E2F7: variants seen among roughly 807,000 people sequenced by gnomAD.
E2F7 encodes the protein E2F transcription factor 7.
A neutral mutation model predicts 81.1 loss-of-function variants in E2F7; 35 were observed. The observed-to-expected ratio is 0.43, with a 90% confidence interval of 0.33 to 0.57. The LOEUF is 0.57. E2F7 is among the 20% of genes least tolerant of loss of function. E2F7 has a pLI of 0.04. For missense variants in E2F7, 961 were observed against 1,093.7 expected, an observed-to-expected ratio of 0.88 and a Z score of 1.71; for synonymous variants, 416 against 416.2, an observed-to-expected ratio of 1.00 and a Z score of 0.01.
At chr12:77,039,449 C>T (rs1442264165) in intron 7 of E2F7, among the ~76,000 whole-genome samples, 2 of 152,066 alleles carry the variant, frequency 1.3e-5, no homozygotes. Flanking sequence ...AATGTATATA[C>T]AACTCTCACA....
intron 2 of E2F7, among the ~76,000 whole-genome samples, chr12:77,057,381 T>A (rs970105493): frequency 2.6e-5 from 4 of 152,076 alleles, no homozygotes; most frequent in Non-Finnish European, 4.4e-5. Context: ...TGGCCTTTTT[T>A]AATTTTTTGT....
chr12:77,046,353 G>A, intron 4 of E2F7, 25 bp from the exon 5 acceptor site: 1 of 1,596,974 alleles, frequency 6.3e-7, no homozygotes. Flanking sequence ...GAGGCTGATG[G>A]ACATCATGCA....
chr12:77,023,879 T>C lies in E2F7; in HGVS notation c.*136A>G, dbSNP rs1023932376. 39 of 1,010,082 alleles carry C rather than the reference T, an allele frequency of 3.9e-5. No individual in the cohort carries two copies. Among genetic ancestry groups the C allele is most frequent in the Non-Finnish European group, 2.9e-6 (2 of 693,440 alleles). The allele number at this position is 1,010,082 out of a possible 1,614,324, so 62.6% of individuals were successfully genotyped here. A position where few individuals can be genotyped will look rare whatever the true frequency, so the allele number is the denominator to read the frequency against. On this transcript the variant is annotated 3_prime_UTR_variant, in exon 13 of 13. Transcript: ENST00000322886. Reference sequence around the variant, plus strand: ...TTTCAGGAAATCAGATGATTGATGGTGGTGGGAAGTTAACAGAAGTGTGGA... The same window carrying C: ...TTTCAGGAAATCAGATGATTGATGGCGGTGGGAAGTTAACAGAAGTGTGGA...
intron 7 of E2F7, among the ~76,000 whole-genome samples, chr12:77,039,394 G>C (rs886410659): frequency 1.5e-4 from 23 of 152,152 alleles, no homozygotes; most frequent in African/African-American, 5.3e-4. Context: ...AGATGGAGAG[G>C]AAATATTTGG....
At chr12:77,044,571 A>G in intron 6 of E2F7, 66 bp downstream of exon 6, 1 of 1,555,266 alleles carries the variant, frequency 6.4e-7, no homozygotes, top group Non-Finnish European at 8.7e-7. Context: ...TTGGAAGCAG[A>G]AAATATCAAC....
chr12:77,028,192 ATCTC>A (rs59593386), intron 10 of E2F7, 54 bp from the exon 11 acceptor site: 115,300 of 1,557,530 alleles, frequency 0.074, 1,209 homozygotes, highest in East Asian at 0.11. Context: ...CCAGTAGTAA[ATCTC>A]TCTTTTTTTT....
At chr12:77,055,148 A>T (rs1955021612) in intron 3 of E2F7, among the ~76,000 whole-genome samples, 1 of 152,260 alleles carries the variant, frequency 6.6e-6, no homozygotes, top group Admixed American at 6.5e-5. Context: ...ACTGCAAGAT[A>T]TATAACAGAT....
At chr12:77,063,221 T>A (rs909150985) in intron 2 of E2F7, among the ~76,000 whole-genome samples, 1 of 152,072 alleles carries the variant, frequency 6.6e-6, no homozygotes, top group East Asian at 1.9e-4. Flanking sequence ...AGCACAAGAG[T>A]AGTGATGCTG....
At chr12:77,048,037 G>C (rs548627441) in intron 4 of E2F7, among the ~76,000 whole-genome samples, 1 of 152,316 alleles carries the variant, frequency 6.6e-6, no homozygotes, top group Admixed American at 6.5e-5. Flanking sequence ...GACATCCCAA[G>C]AAGGGAAAAC....
chr12:77,060,258 C>T (rs182979877), intron 2 of E2F7, among the ~76,000 whole-genome samples: 3 of 152,200 alleles, frequency 2.0e-5, no homozygotes, highest in African/African-American at 7.2e-5. Context: ...CCCTCTAGTT[C>T]TTATATATAA....
Position 77,050,691 on chromosome 12 carries a change from G to T in E2F7, c.423C>A (p.Ser141Arg). ...GGAGTCCTAAACTTTTCTGTTTTCT[G>T]CTTGGCCTTTGCTTTTCAAATTCGT... ...AVDEFEKQRP[S>R]RKQKSLGLLC... The change falls in exon 4 of 13, where the codon AGC becomes AGA. Residue 141 changes from serine to arginine, a missense_variant. By Grantham distance (110) the Ser-to-Arg change is moderately radical. Coordinates refer to ENST00000322886, the MANE Select transcript of E2F7 (RefSeq NM_203394.3). 6.2e-7 allele frequency: 1 copy of T among 1,613,920 alleles called. No homozygotes were observed. Among genetic ancestry groups the T allele is most frequent in the East Asian group, 2.2e-5 (1 of 44,874 alleles).
chr12:77,064,557 C>T lies in E2F7; in HGVS notation c.79G>A (p.Glu27Lys). Residue 27 changes from glutamate to lysine, a missense_variant, in exon 2 of 13, where the codon GAA (glutamate) becomes AAA (lysine). Coordinates refer to ENST00000322886, the MANE Select transcript of E2F7 (RefSeq NM_203394.3). Reference sequence around the variant, plus strand: ...TGTTTGCTTACCTTTTGTGCATTTTCCCCATCTTCAACTGCAAAATCTAGT... The same window carrying T: ...TGTTTGCTTACCTTTTGTGCATTTTTCCCATCTTCAACTGCAAAATCTAGT... ...PRLDFAVEDG[E>K]NAQKENIFVD... is the part of the protein sequence containing the mutation. 6.2e-7 allele frequency: 1 copy of T among 1,614,000 alleles called. No individual in the cohort carries two copies. Among genetic ancestry groups the T allele is most frequent in the Non-Finnish European group, 8.5e-7 (1 of 1,179,934 alleles).
At chr12:77,055,174 C>T (rs1442449512) in intron 3 of E2F7, among the ~76,000 whole-genome samples, 2 of 152,122 alleles carry the variant, frequency 1.3e-5, no homozygotes, top group African/African-American at 4.8e-5. Context: ...TCATTCTGTT[C>T]TATGAATTTC....
At chr12:77,055,592 A>G (rs780623797) in intron 3 of E2F7, among the ~76,000 whole-genome samples, 1 of 152,210 alleles carries the variant, frequency 6.6e-6, no homozygotes, top group Non-Finnish European at 1.5e-5. Context: ...TCCTTCATTA[A>G]ATAAAAATGA....
chr12:77,025,805 C>A lies in E2F7; in HGVS notation c.2318G>T (p.Gly773Val). Residue 773 changes from glycine (G) to valine (V), a missense_variant, in exon 12 of 13, where the codon GGT becomes GTT. Gly to Val is a moderately radical substitution (Grantham distance 109). Around this residue, in one of 3 missense-constraint regions of E2F7, gnomAD observed 587 missense variants for 620.3 expected, o/e 0.95. Transcript: ENST00000322886. ...AMPGPVSSTL[G>V]ALPNTGPVNF... ...CACAGGTCCTGTGTTTGGGAGAGCA[C>A]CAAGAGTAGAAGAAACCGGGCCCGG... 6.2e-7 allele frequency: 1 copy of A among 1,613,856 alleles called. No homozygotes were observed. The highest frequency in any genetic ancestry group is 2.2e-5 in the East Asian group (1 of 44,868).
At chr12:77,045,967 C>G in intron 5 of E2F7, 71 bp downstream of exon 5, 2 of 1,544,190 alleles carry the variant, frequency 1.3e-6, no homozygotes, top group Non-Finnish European at 1.8e-6. Flanking sequence ...CCCATCTGAG[C>G]AGTGAATCTG....
intron 9 of E2F7, among the ~76,000 whole-genome samples, chr12:77,030,575 G>A (rs1226336543): frequency 6.6e-6 from 1 of 152,166 alleles, no homozygotes; most frequent in Non-Finnish European, 1.5e-5. Flanking sequence ...TCAGGTGAGA[G>A]TGAACATTCA....
At position 77,027,989 on chromosome 12, in the gene E2F7, C is replaced by T; in HGVS notation, c.2034G>A (p.Glu678=). The T allele has an allele frequency of 6.2e-7, 1 of 1,614,158 alleles. No homozygotes were observed. Among genetic ancestry groups the T allele is most frequent in the Non-Finnish European group, 8.5e-7 (1 of 1,180,038 alleles). The change falls in exon 11 of 13, where the codon GAG becomes GAA. Residue 678 remains glutamate, a synonymous_variant. Transcript: ENST00000322886. ...KATANSLVSS[E]WGNPSRNTDV... ...CTGTATTTCTTGAAGGATTTCCCCA[C>T]TCAGAAGAAACAAGAGAGTTTGCTG...
At chr12:77,047,745 C>T (rs1394123726) in intron 4 of E2F7, among the ~76,000 whole-genome samples, 1 of 152,146 alleles carries the variant, frequency 6.6e-6, no homozygotes, top group Non-Finnish European at 1.5e-5. Flanking sequence ...AGCTCATGAC[C>T]CTGAAAGGCT....
Sources: allele counts gnomAD v4.1 joint callset (sites outside exome capture counted in the v4.1 genomes callset), GRCh38; gene constraint gnomAD v4.1.1; regional missense constraint gnomAD v4.1.1; transcripts MANE v1.5; gene names NCBI Gene and HGNC (gene_info 2026-07-23, HGNC 2026-07-21).